HTRA1: variants seen among roughly 807,000 people sequenced by gnomAD.
The protein encoded by HTRA1 is serine protease HTRA1.
HTRA1 carries 26 observed loss-of-function variants against 49.7 expected under a neutral mutation model. The ratio of observed to expected loss-of-function variants is 0.52; its 90% CI spans 0.38 to 0.73. The LOEUF (loss-of-function observed/expected upper bound fraction) is 0.73. HTRA1 is among the 30% of genes least tolerant of loss of function. The probability of loss-of-function intolerance (pLI) is 0.00; values close to 1 mark genes in which losing one functional copy is unlikely to be tolerated. For missense variants in HTRA1, 561 were observed against 667.2 expected, an observed-to-expected ratio of 0.84 and a Z score of 1.75; for synonymous variants, 291 against 286.9, an observed-to-expected ratio of 1.01 and a Z score of -0.14.
chr10:122,478,361 C>A (rs2133430283), intron 1 of HTRA1, among the ~76,000 whole-genome samples: 1 of 149,826 alleles, frequency 6.7e-6, no homozygotes, highest in South Asian at 2.1e-4. Flanking sequence ...TCAGCCCCCG[C>A]AGACTGCTCC....
At position 122,494,652 on chromosome 10, in the gene HTRA1, C is replaced by A. The variant is rs1177606693; in HGVS notation, c.777+5026C>A. 1.3e-5 allele frequency among the ~76,000 whole-genome samples: 2 copies of A among 152,158 alleles called. No homozygotes were observed. The highest frequency in any genetic ancestry group is 2.9e-5 in the Non-Finnish European group (2 of 68,040). On this transcript the variant is annotated intron_variant, in intron 3 of 8. Transcript: ENST00000368984. This position sits in a 1 kb window ranked among gnomAD's most constrained non-coding sequence, Gnocchi z 4.0. ...CTCCCCTGTAGGCCTGCGCCACCCC[C>A]CCAACCCCACGGCCACCTTTGGGCC... is the stretch of plus-strand genomic sequence containing the variant.
intron 1 of HTRA1, among the ~76,000 whole-genome samples, chr10:122,481,687 C>T (rs573318854): frequency 6.6e-6 from 1 of 152,284 alleles, no homozygotes; most frequent in East Asian, 1.9e-4. Context: ...TGGTTGTGTC[C>T]TCACCCAAAT....
At chr10:122,495,852 C>T (rs987431781) in intron 3 of HTRA1, among the ~76,000 whole-genome samples, 1 of 152,092 alleles carries the variant, frequency 6.6e-6, no homozygotes, top group African/African-American at 2.4e-5. Context: ...GTATCAGAGT[C>T]CAGGGTTGGC....
chr10:122,501,900 G>C (rs964764189), intron 3 of HTRA1, among the ~76,000 whole-genome samples: 2 of 146,974 alleles, frequency 1.4e-5, no homozygotes, highest in African/African-American at 5.1e-5. Flanking sequence ...GAGCCTTTGA[G>C]TTATCAGCCT....
At chr10:122,491,044 A>G (rs1565423461) in intron 3 of HTRA1, among the ~76,000 whole-genome samples, 1 of 152,174 alleles carries the variant, frequency 6.6e-6, no homozygotes, top group African/African-American at 2.4e-5. Context: ...TGTTATTTCT[A>G]TTAGGTCACT....
At chr10:122,483,813 T>C (rs1479585413) in intron 1 of HTRA1, among the ~76,000 whole-genome samples, 1 of 152,250 alleles carries the variant, frequency 6.6e-6, no homozygotes, top group African/African-American at 2.4e-5. Flanking sequence ...ATTTCCCTAA[T>C]TACTTGATAT....
intron 4 of HTRA1, 93 bp from the exon 5 acceptor site, chr10:122,507,277 T>G: frequency 1.0e-6 from 1 of 994,454 alleles, no homozygotes; most frequent in Non-Finnish European, 1.6e-6. Flanking sequence ...CCCCCCACTC[T>G]AGGCACCGTG....
chr10:122,510,038 TC>T, intron 6 of HTRA1, 57 bp from the exon 7 acceptor site: 2 of 1,468,148 alleles, frequency 1.4e-6, no homozygotes, highest in Non-Finnish European at 1.9e-6. Context: ...GCCCCTGGTG[TC>T]CCCAGCACCC....
At chr10:122,486,293 T>A (rs2097493064) in intron 1 of HTRA1, among the ~76,000 whole-genome samples, 1 of 151,982 alleles carries the variant, frequency 6.6e-6, no homozygotes, top group South Asian at 2.1e-4. Flanking sequence ...GTAGAAAAAA[T>A]TAAATTAAGG....
intron 1 of HTRA1, among the ~76,000 whole-genome samples, chr10:122,479,288 G>A (rs1283998684): frequency 6.6e-6 from 1 of 152,134 alleles, no homozygotes; most frequent in Non-Finnish European, 1.5e-5. Flanking sequence ...GGCTGAGAAG[G>A]TGGGGACCAA....
intron 5 of HTRA1, among the ~76,000 whole-genome samples, 166 bp downstream of exon 5, chr10:122,507,568 T>C (rs1290029531): frequency 6.6e-6 from 1 of 152,220 alleles, no homozygotes; most frequent in African/African-American, 2.4e-5. Context: ...GTAAATGTAC[T>C]GCGTGCTTGC....
chr10:122,492,741 G>A (rs998662271), intron 3 of HTRA1, among the ~76,000 whole-genome samples: 8 of 152,108 alleles, frequency 5.3e-5, no homozygotes, highest in Non-Finnish European at 8.8e-5. Context: ...AGCAACAGCC[G>A]GCATTTCACA....
intron 1 of HTRA1, among the ~76,000 whole-genome samples, chr10:122,462,393 G>T (rs2097481894): frequency 6.6e-6 from 1 of 152,276 alleles, no homozygotes; most frequent in Non-Finnish European, 1.5e-5. Context: ...CGGGCGACCG[G>T]CCATGGAGTG....
rs1213083110 is a variant in HTRA1 at position 122,461,600 on chromosome 10, G to A, written c.-53G>A. On this transcript the variant is annotated 5_prime_UTR_variant, in exon 1 of 9. Transcript: ENST00000368984. ...GCCCTCCTGCACTCTCCCCGGCGCC[G>A]CTCTCCGGCCCTCGCCCTGTCCGCC... 4 of 1,170,800 alleles carry A rather than the reference G, an allele frequency of 3.4e-6. No individual in the cohort carries two copies. Among genetic ancestry groups the A allele is most frequent in the Admixed American group, 5.9e-5 (2 of 34,030 alleles). The allele number at this position is 1,170,800 out of a possible 1,614,324, so 72.5% of individuals were successfully genotyped here. A position where few individuals can be genotyped will look rare whatever the true frequency, so the allele number is the denominator to read the frequency against.
chr10:122,507,301 C>G, intron 4 of HTRA1, 69 bp from the exon 5 acceptor site: 1 of 1,288,640 alleles, frequency 7.8e-7, no homozygotes, highest in African/African-American at 1.5e-5. Context: ...AGGAAACGAC[C>G]AGGCAGGGAC....
chr10:122,479,260 T>TG (rs2097489939), intron 1 of HTRA1, among the ~76,000 whole-genome samples: 1 of 152,120 alleles, frequency 6.6e-6, no homozygotes, highest in South Asian at 2.1e-4. Context: ...TGGTGTGGGC[T>TG]GCGGGGGGCT....
chr10:122,473,383 G>A (rs939623349), intron 1 of HTRA1, among the ~76,000 whole-genome samples: 2 of 152,152 alleles, frequency 1.3e-5, no homozygotes, highest in South Asian at 2.1e-4. Flanking sequence ...TGAGCCTCTC[G>A]GATGCCAGCT....
intron 5 of HTRA1, 50 bp downstream of exon 5, chr10:122,507,452 C>T (rs753594229): frequency 3.6e-5 from 50 of 1,391,862 alleles, no homozygotes; most frequent in African/African-American, 2.0e-4. Context: ...TCTATGTATA[C>T]GCTGTTTTTT....
chr10:122,464,601 G>C lies in HTRA1; in HGVS notation c.472+2477G>C, dbSNP rs917831084. Reference sequence around the variant, plus strand: ...GGTGCTTGCGATACACAGCCATTCTGTTTTTCCTTAGTGGAAGGCACTGCT... The same window carrying C: ...GGTGCTTGCGATACACAGCCATTCTCTTTTTCCTTAGTGGAAGGCACTGCT... On this transcript the variant is annotated intron_variant, in intron 1 of 8. Transcript: ENST00000368984. The surrounding 1 kb of genome is among the most constrained non-coding windows in gnomAD (Gnocchi z 4.8). Among the ~76,000 whole-genome samples, 2 of 152,216 alleles carry C rather than the reference G, an allele frequency of 1.3e-5. No individual in the cohort carries two copies. Among genetic ancestry groups the C allele is most frequent in the African/African-American group, 4.8e-5 (2 of 41,446 alleles).
Sources: gnomAD v4.1 joint callset for allele counts (sites outside exome capture counted in the v4.1 genomes callset) on GRCh38, gnomAD v4.1.1 for gene constraint, Gnocchi (gnomAD v3.1) non-coding constraint, MANE v1.5 for transcripts, NCBI Gene and HGNC (gene_info 2026-07-23, HGNC 2026-07-21) for gene names.